Variants in NKAIN3 observed in about 807,000 individuals in gnomAD.
NKAIN3 encodes the protein sodium/potassium transporting ATPase interacting 3.
A neutral mutation model predicts 30.2 loss-of-function variants in NKAIN3; 25 were observed. The ratio of observed to expected loss-of-function variants is 0.83; its 90% CI spans 0.60 to 1.16. The LOEUF (loss-of-function observed/expected upper bound fraction) is 1.16. Among genes scored for constraint, NKAIN3 ranks in the 50% most tolerant of loss-of-function variants. The pLI, the probability that NKAIN3 is intolerant of heterozygous loss-of-function variation, is 0.00. For synonymous variants in NKAIN3, 91 were observed against 89.6 expected, an observed-to-expected ratio of 1.02 and a Z score of -0.09; for missense variants, 225 against 254.1, an observed-to-expected ratio of 0.89 and a Z score of 0.78.
At chr8:62,418,228 A>G (rs1157402285) in intron 1 of NKAIN3, among the ~76,000 whole-genome samples, 3 of 152,228 alleles carry the variant, frequency 2.0e-5, no homozygotes, top group Non-Finnish European at 2.9e-5. Context: ...GTCAAAAATC[A>G]TAGAGCTATC....
intron 3 of NKAIN3, among the ~76,000 whole-genome samples, chr8:62,659,692 T>A (rs1188575885): frequency 6.6e-6 from 1 of 152,190 alleles, no homozygotes; most frequent in Non-Finnish European, 1.5e-5. Context: ...GGTTGCATCC[T>A]CTCTGGCTTG....
chr8:62,966,696 A>G lies in NKAIN3; in HGVS notation c.*1289A>G, dbSNP rs900764047. On this transcript the variant is annotated 3_prime_UTR_variant, in exon 7 of 7. Coordinates refer to ENST00000623646, the MANE Select transcript of NKAIN3 (RefSeq NM_001304533.3). ...CACTTTTCACATCACTTTTGCCCAC[A>G]CTTCTCAATCACTATTTTTTATATG... 6.6e-6 allele frequency among the ~76,000 whole-genome samples: 1 copy of G among 152,156 alleles called. No individual in the cohort carries two copies. Among genetic ancestry groups the G allele is most frequent in the Non-Finnish European group, 1.5e-5 (1 of 68,030 alleles).
intron 1 of NKAIN3, among the ~76,000 whole-genome samples, chr8:62,464,409 A>G (rs1023156054): frequency 1.3e-5 from 2 of 152,218 alleles, no homozygotes; most frequent in African/African-American, 4.8e-5. Flanking sequence ...ACTTAAATGT[A>G]TATATTTGGA....
At chr8:62,706,842 T>A (rs542998347) in intron 3 of NKAIN3, among the ~76,000 whole-genome samples, 1 of 152,082 alleles carries the variant, frequency 6.6e-6, no homozygotes, top group African/African-American at 2.4e-5. Flanking sequence ...CCCCTCCCAC[T>A]CTTCCTCCCA....
chr8:62,700,524 C>A (rs1271852774), intron 3 of NKAIN3, among the ~76,000 whole-genome samples: 2 of 152,308 alleles, frequency 1.3e-5, no homozygotes, highest in South Asian at 2.1e-4. Context: ...GAAATATAAT[C>A]TCTTTTTCCA....
chr8:62,279,062 T>C (rs1322735080), intron 1 of NKAIN3, among the ~76,000 whole-genome samples: 2 of 152,192 alleles, frequency 1.3e-5, no homozygotes, highest in Admixed American at 1.3e-4. Context: ...TTTTTAATGA[T>C]TGCCATTCTA....
At chr8:62,833,395 C>T (rs1471615174) in intron 4 of NKAIN3, among the ~76,000 whole-genome samples, 1 of 151,822 alleles carries the variant, frequency 6.6e-6, no homozygotes, top group East Asian at 1.9e-4. Context: ...CAAAAATTGG[C>T]TCTTTCAAAC....
intron 4 of NKAIN3, among the ~76,000 whole-genome samples, chr8:62,825,591 T>C (rs755401989): frequency 6.6e-6 from 1 of 152,140 alleles, no homozygotes; most frequent in Admixed American, 6.5e-5. Flanking sequence ...CCAAACCTAC[T>C]GAGCGAAACA....
chr8:62,548,853 CAT>C (rs1343644688), intron 1 of NKAIN3, among the ~76,000 whole-genome samples: 6 of 118,720 alleles, frequency 5.1e-5, no homozygotes, highest in African/African-American at 1.9e-4. Context: ...AAAATGAAAA[CAT>C]AGGCTAGTCA....
chr8:62,684,817 T>C (rs1177371580), intron 3 of NKAIN3, among the ~76,000 whole-genome samples: 3 of 152,106 alleles, frequency 2.0e-5, no homozygotes, highest in African/African-American at 7.2e-5. Flanking sequence ...GACACAGACA[T>C]GTGCAGAAGG....
intron 4 of NKAIN3, among the ~76,000 whole-genome samples, chr8:62,806,415 C>T (rs928738320): frequency 6.6e-6 from 1 of 152,144 alleles, no homozygotes; most frequent in Non-Finnish European, 1.5e-5. Context: ...AAATGTGCAA[C>T]AATCATAGAC....
intron 3 of NKAIN3, among the ~76,000 whole-genome samples, chr8:62,724,320 A>G (rs1227772132): frequency 6.6e-6 from 1 of 152,096 alleles, no homozygotes; most frequent in Non-Finnish European, 1.5e-5. Flanking sequence ...CAGGCATACA[A>G]TGTACAATAC....
At chr8:62,400,465 C>T (rs1027081723) in intron 1 of NKAIN3, among the ~76,000 whole-genome samples, 2 of 152,230 alleles carry the variant, frequency 1.3e-5, no homozygotes, top group South Asian at 2.1e-4. Flanking sequence ...AGTCATGACA[C>T]CTGGTCAAAT....
intron 6 of NKAIN3, among the ~76,000 whole-genome samples, chr8:62,955,255 G>A (rs12676761): frequency 0.089 from 13,573 of 152,150 alleles, 852 homozygotes; most frequent in East Asian, 0.28. Flanking sequence ...GTTTCTTAAA[G>A]CAAATCCAAT....
intron 4 of NKAIN3, among the ~76,000 whole-genome samples, chr8:62,888,642 G>A (rs1044186379): frequency 2.6e-5 from 4 of 152,140 alleles, no homozygotes; most frequent in Non-Finnish European, 4.4e-5. Flanking sequence ...ATGGACTGAC[G>A]ACTTCTAAGC....
intron 4 of NKAIN3, among the ~76,000 whole-genome samples, chr8:62,820,002 A>G (rs1271118780): frequency 1.3e-5 from 2 of 152,122 alleles, no homozygotes; most frequent in African/African-American, 4.8e-5. Context: ...AGCTTATGTT[A>G]GGAAAATGTT....
intron 2 of NKAIN3, among the ~76,000 whole-genome samples, chr8:62,586,853 T>C (rs183879850): frequency 1.4e-3 from 218 of 152,094 alleles, no homozygotes; most frequent in Non-Finnish European, 2.2e-3. Flanking sequence ...AAAATATATA[T>C]ACTAAACATA....
chr8:62,998,275 T>A (rs958095576), intron 5 of NKAIN3, among the ~76,000 whole-genome samples: 2 of 152,098 alleles, frequency 1.3e-5, no homozygotes, highest in African/African-American at 2.4e-5. Context: ...TCTCTCTCTT[T>A]TTTTTTCCCC....
intron 5 of NKAIN3, among the ~76,000 whole-genome samples, chr8:62,949,680 G>A (rs1175883709): frequency 2.0e-5 from 3 of 152,018 alleles, no homozygotes; most frequent in African/African-American, 7.2e-5. Flanking sequence ...CCACTGTGTG[G>A]CTGGCTTTTC....
Sources: gnomAD v4.1 joint callset for allele counts (sites outside exome capture counted in the v4.1 genomes callset) on GRCh38, gnomAD v4.1.1 for gene constraint, MANE v1.5 for transcripts, NCBI Gene and HGNC (gene_info 2026-07-23, HGNC 2026-07-21) for gene names.